The following GUCY2F variants were observed in gnomAD, a reference collection of about 807,000 sequenced individuals.
GUCY2F encodes retinal guanylyl cyclase 2.
GUCY2F carries 61 observed loss-of-function variants against 73.1 expected under a neutral mutation model. The ratio of observed to expected loss-of-function variants is 0.83; its 90% CI spans 0.68 to 1.03. The LOEUF (loss-of-function observed/expected upper bound fraction) is 1.03, where lower values mean the gene tolerates loss of function less well. Among genes scored for constraint, GUCY2F ranks in the 50% least tolerant of loss-of-function variants. The pLI is 0.00. For missense variants in GUCY2F, 912 were observed against 854.3 expected, an observed-to-expected ratio of 1.07 and a Z score of -0.84; for synonymous variants, 331 against 307.8, an observed-to-expected ratio of 1.08 and a Z score of -0.79.
At chrX:109,474,017 A>G (rs765460628) in intron 2 of GUCY2F, among the ~76,000 whole-genome samples, 9 of 112,126 alleles carry the variant, frequency 8.0e-5, no homozygotes, top group Non-Finnish European at 1.3e-4. Context: ...AATCTTGTCA[A>G]CTGGAGCTGG....
At position 109,392,039 on chromosome X, in the gene GUCY2F, A is replaced by G; in HGVS notation, c.2653T>C (p.Leu885=). The G allele has an allele frequency of 2.5e-6, 3 of 1,208,928 alleles. No individual in the cohort carries two copies. Among genetic ancestry groups the G allele is most frequent in the Non-Finnish European group, 3.4e-6 (3 of 893,295 alleles). ...VEPEGFDLVT[L]YFSDIVGFTT... The stretch of plus-strand genomic sequence containing the variant: ...AAGCCCACAATGTCGCTGAAGTACA[A>G]GGTGACCAAGTCAAAGCCCTCAGGT... The change falls in exon 14 of 20, where the codon TTG becomes CTG. Residue 885 remains leucine, a synonymous_variant. Transcript: ENST00000218006.
At chrX:109,427,496 T>G (rs1931515696) in intron 8 of GUCY2F, among the ~76,000 whole-genome samples, 1 of 112,019 alleles carries the variant, frequency 8.9e-6, no homozygotes, top group Non-Finnish European at 1.9e-5. Context: ...AGCTGTTTGT[T>G]TTTCAAGGAC....
chrX:109,386,304 G>T (rs1430795678), intron 15 of GUCY2F, among the ~76,000 whole-genome samples: 1 of 111,798 alleles, frequency 8.9e-6, no homozygotes. Flanking sequence ...ATGGGAGGAG[G>T]TGCTTATTAG....
chrX:109,450,219 C>T (rs928368163), intron 5 of GUCY2F, among the ~76,000 whole-genome samples: 1 of 111,551 alleles, frequency 9.0e-6, no homozygotes, highest in Admixed American at 9.6e-5. Flanking sequence ...CCTCTCTAAT[C>T]ATGTCCCTCT....
chrX:109,416,933 CAAA>C, intron 8 of GUCY2F, among the ~76,000 whole-genome samples: 1 of 57,634 alleles, frequency 1.7e-5, no homozygotes, highest in Admixed American at 2.0e-4. Context: ...CAAAGAAATG[CAAA>C]AAAAAAAAAA....
At chrX:109,437,706 C>T (rs1426574001) in intron 7 of GUCY2F, among the ~76,000 whole-genome samples, 3 of 112,811 alleles carry the variant, frequency 2.7e-5, no homozygotes, top group Non-Finnish European at 3.7e-5. Flanking sequence ...GCAGGTATTT[C>T]TTAAATTTCT....
At chrX:109,461,668 G>A (rs2147280513) in intron 3 of GUCY2F, among the ~76,000 whole-genome samples, 1 of 112,254 alleles carries the variant, frequency 8.9e-6, no homozygotes, top group South Asian at 3.7e-4. Context: ...CTTATTTGTA[G>A]CATTTGCCTG....
chrX:109,441,342 A>C lies in GUCY2F; in HGVS notation c.1701+9T>G. 9.1e-7 allele frequency: 1 copy of C among 1,102,812 alleles called. No homozygotes were observed. The highest frequency in any genetic ancestry group is 2.3e-5 in the South Asian group (1 of 42,856). 90.9% of individuals were successfully genotyped at this position (1,102,812 alleles called of 1,213,427 possible). A position where few individuals can be genotyped will look rare whatever the true frequency, so the allele number is the denominator to read the frequency against. On this transcript the variant is annotated intron_variant, in intron 7 of 19. Transcript: ENST00000218006. ...AAGCAGTAGATTAGACAGCTGTTGA[A>C]TATCTTACCTCATAAATCGCTATGT...
chrX:109,450,395 A>T lies in GUCY2F; in HGVS notation c.1472+1628T>A, dbSNP rs192372016. ...CATACAGTGGGAAAGACCAGTGAAAACTGTCAGTTGCGGCGGTTGACAAGT... is the reference window on the plus strand; with the variant it reads ...CATACAGTGGGAAAGACCAGTGAAATCTGTCAGTTGCGGCGGTTGACAAGT... On this transcript the variant is annotated intron_variant, in intron 5 of 19. Coordinates refer to ENST00000218006, the MANE Select transcript of GUCY2F (RefSeq NM_001522.3). Among the ~76,000 whole-genome samples, 6 of 111,364 alleles carry T rather than the reference A, an allele frequency of 5.4e-5. No individual in the cohort carries two copies. The East Asian group carries it at 1.7e-3, about 31-fold the overall frequency.
intron 9 of GUCY2F, among the ~76,000 whole-genome samples, chrX:109,407,807 T>C (rs772433683): frequency 8.8e-6 from 1 of 113,258 alleles, no homozygotes; most frequent in Non-Finnish European, 1.9e-5. Context: ...TGCACAGAAG[T>C]CAGGAACTGA....
chrX:109,406,465 G>C (rs889829444), intron 9 of GUCY2F, among the ~76,000 whole-genome samples: 3 of 112,097 alleles, frequency 2.7e-5, no homozygotes, highest in African/African-American at 9.7e-5. Flanking sequence ...AGGCAGAAGA[G>C]TGCTTAATGG....
At chrX:109,419,770 G>T (rs1931320873) in intron 8 of GUCY2F, among the ~76,000 whole-genome samples, 1 of 109,881 alleles carries the variant, frequency 9.1e-6, no homozygotes, top group Non-Finnish European at 1.9e-5. Context: ...TAAATTCATT[G>T]CAATCCCCAT....
intron 8 of GUCY2F, among the ~76,000 whole-genome samples, chrX:109,414,137 A>G (rs1182524146): frequency 9.1e-6 from 1 of 109,572 alleles, no homozygotes; most frequent in Non-Finnish European, 1.9e-5. Context: ...ATGCCCAACT[A>G]ATTTTTGTAT....
At chrX:109,432,323 GAA>G (rs1304521347) in intron 7 of GUCY2F, among the ~76,000 whole-genome samples, 2 of 111,939 alleles carry the variant, frequency 1.8e-5, no homozygotes, top group Non-Finnish European at 3.8e-5. Flanking sequence ...GTCAGGGATC[GAA>G]AAGTCATTCA....
chrX:109,407,854 T>C (rs1931011114), intron 9 of GUCY2F, among the ~76,000 whole-genome samples: 1 of 112,818 alleles, frequency 8.9e-6, no homozygotes, highest in African/African-American at 3.2e-5. Flanking sequence ...AGAAGATGTA[T>C]GGGAATGCCT....
At chrX:109,426,493 A>G (rs1931490302) in intron 8 of GUCY2F, among the ~76,000 whole-genome samples, 1 of 112,246 alleles carries the variant, frequency 8.9e-6, no homozygotes, top group South Asian at 3.7e-4. Flanking sequence ...GGTTCACGCC[A>G]TTCTCCTGTC....
intron 7 of GUCY2F, among the ~76,000 whole-genome samples, chrX:109,431,209 T>A (rs981993547): frequency 4.5e-5 from 5 of 111,361 alleles, no homozygotes; most frequent in Middle Eastern, 4.3e-3. Context: ...CAAATTGTTT[T>A]AAAAAAAATA....
rs748844981 is a variant in GUCY2F, at chrX:109,393,758, T to C, written c.2425-703A>G. Among the ~76,000 whole-genome samples the C allele has an allele frequency of 3.2e-3, 357 of 112,263 alleles. 1 individual carries two copies. Among genetic ancestry groups the C allele is most frequent in the Non-Finnish European group, 5.8e-3 (310 of 53,197 alleles). On this transcript the variant is annotated intron_variant, in intron 12 of 19. Coordinates refer to ENST00000218006, the MANE Select transcript of GUCY2F (RefSeq NM_001522.3). ...TTTTTGGGACCTTGTCTATCTACAG[T>C]AACAGGGAGCTAGGCATAGTATTAG...
At chrX:109,380,334 A>G (rs149943008) in intron 17 of GUCY2F, among the ~76,000 whole-genome samples, 228 of 111,499 alleles carry the variant, frequency 2.0e-3, no homozygotes, top group African/African-American at 7.0e-3. Context: ...TATTGGGGGT[A>G]TATTGCATGT....
Sources: gnomAD v4.1 joint callset for allele counts (sites outside exome capture counted in the v4.1 genomes callset) on GRCh38, gnomAD v4.1.1 for gene constraint, MANE v1.5 for transcripts, NCBI Gene and HGNC (gene_info 2026-07-23, HGNC 2026-07-21) for gene names.